KIAA1217: variants seen among roughly 807,000 people sequenced by gnomAD.
KIAA1217 encodes the protein sickle tail protein homolog.
KIAA1217 carries 88 observed loss-of-function variants against 163.9 expected under a neutral mutation model. The observed-to-expected ratio is 0.54, with a 90% CI of 0.45 to 0.64. The LOEUF (loss-of-function observed/expected upper bound fraction) is 0.64, where lower values mean the gene tolerates loss of function less well. Ranked by LOEUF, KIAA1217 falls within the 30% of genes least tolerant of loss-of-function variation. The pLI is 0.00. For missense variants in KIAA1217, 2,372 were observed against 2,475.0 expected, an observed-to-expected ratio of 0.96 and a Z score of 0.88; for synonymous variants, 903 against 923.1, an observed-to-expected ratio of 0.98 and a Z score of 0.39.
chr10:24,282,748 C>T (rs373648), intron 2 of KIAA1217, among the ~76,000 whole-genome samples: 73,256 of 150,964 alleles, frequency 0.49, 18,253 homozygotes, highest in Non-Finnish European at 0.51. Flanking sequence ...ACATTTCCTG[C>T]CACAATCCTA....
intron 1 of KIAA1217, among the ~76,000 whole-genome samples, chr10:24,213,915 C>A (rs2068481728): frequency 6.6e-6 from 1 of 152,104 alleles, no homozygotes; most frequent in Admixed American, 6.6e-5. Context: ...CTTTGGGATG[C>A]TGAGGCAGGA....
chr10:24,404,036 T>C (rs1409029286), intron 3 of KIAA1217, among the ~76,000 whole-genome samples: 1 of 152,132 alleles, frequency 6.6e-6, no homozygotes, highest in East Asian at 1.9e-4. Context: ...AGTTCCACCA[T>C]AGCCCCCATC....
chr10:23,892,514 G>C lies in KIAA1217; in HGVS notation c.-320-114711G>C, dbSNP rs115312644. Among the ~76,000 whole-genome samples, 1,313 of 151,942 alleles carry C rather than the reference G, an allele frequency of 8.6e-3. 18 individuals carry two copies. The highest frequency in any genetic ancestry group is 0.031 in the African/African-American group (1,267 of 41,496). The stretch of plus-strand genomic sequence containing the variant: ...TATGTTCAATGTCTGCTTGCCTCAG[G>C]ACTAGGAGTCTGCTGGCAAACTCTG... On this transcript the variant is annotated intron_variant, in intron 1 of 18. Transcript: ENST00000376462.
chr10:24,079,250 G>T (rs762420298), intron 2 of KIAA1217, among the ~76,000 whole-genome samples: 3 of 152,198 alleles, frequency 2.0e-5, no homozygotes, highest in African/African-American at 4.8e-5. Context: ...GAGAAGCAGA[G>T]ATATTCTGTG....
chr10:24,389,322 G>A (rs2054503628), intron 3 of KIAA1217, among the ~76,000 whole-genome samples: 2 of 151,816 alleles, frequency 1.3e-5, no homozygotes, highest in African/African-American at 4.8e-5. Context: ...AACACCACAT[G>A]TTCTCACTCA....
intron 1 of KIAA1217, among the ~76,000 whole-genome samples, chr10:23,960,049 G>A (rs1844756660): frequency 6.6e-6 from 1 of 151,188 alleles, no homozygotes. Context: ...CCGAGTAGCT[G>A]CAACTACAGG....
chr10:24,396,604 C>T (rs762879315), intron 3 of KIAA1217, among the ~76,000 whole-genome samples: 8 of 152,080 alleles, frequency 5.3e-5, no homozygotes, highest in African/African-American at 9.7e-5. Context: ...AGGCAGCCTT[C>T]GAGCCATGAC....
intron 9 of KIAA1217, among the ~76,000 whole-genome samples, chr10:24,505,001 C>G (rs1417771009): frequency 6.6e-6 from 1 of 152,068 alleles, no homozygotes; most frequent in Non-Finnish European, 1.5e-5. Flanking sequence ...TATTTGAAAC[C>G]CTTAGCAAAA....
At chr10:24,001,903 A>ATT (rs367587114) in intron 1 of KIAA1217, among the ~76,000 whole-genome samples, 284 of 151,548 alleles carry the variant, frequency 1.9e-3, no homozygotes, top group African/African-American at 6.5e-3. Flanking sequence ...TGTGTAGGTG[A>ATT]TTTTTTTTTC....
intron 2 of KIAA1217, among the ~76,000 whole-genome samples, chr10:24,138,142 G>C (rs927063219): frequency 2.0e-5 from 3 of 152,120 alleles, no homozygotes; most frequent in Non-Finnish European, 4.4e-5. Context: ...GGTTGAATTT[G>C]GGAGGTTTTT....
chr10:24,162,997 T>C (rs750508688), intron 2 of KIAA1217, among the ~76,000 whole-genome samples: 4 of 152,186 alleles, frequency 2.6e-5, no homozygotes, highest in African/African-American at 4.8e-5. Context: ...ACAATCCATC[T>C]TGGAAATGAC....
intron 1 of KIAA1217, among the ~76,000 whole-genome samples, chr10:23,977,059 T>C (rs1832308): frequency 0.59 from 90,222 of 151,970 alleles, 27,944 homozygotes; most frequent in African/African-American, 0.77. Flanking sequence ...AGATCTTTTT[T>C]ATGTATGTTT....
chr10:24,384,680 T>C (rs56115970), intron 3 of KIAA1217, among the ~76,000 whole-genome samples: 78,066 of 151,576 alleles, frequency 0.52, 22,629 homozygotes, highest in African/African-American at 0.8. Context: ...GGGACGCAGG[T>C]GCCTGCCACC....
chr10:23,792,279 A>C (rs1019098151), intron 1 of KIAA1217, among the ~76,000 whole-genome samples: 14 of 152,208 alleles, frequency 9.2e-5, no homozygotes, highest in African/African-American at 3.4e-4. Flanking sequence ...GCTATGCTTT[A>C]GATGTCTACA....
chr10:24,209,104 C>T (rs560550577), upstream of KIAA1217: 2 of 1,126,168 alleles, frequency 1.8e-6, no homozygotes, highest in African/African-American at 1.5e-5. Flanking sequence ...TCCCCAGCCC[C>T]GGGCCCCCTC....
At chr10:23,707,576 A>C (rs1272281943) in intron 1 of KIAA1217, among the ~76,000 whole-genome samples, 1 of 152,188 alleles carries the variant, frequency 6.6e-6, no homozygotes, top group East Asian at 1.9e-4. Flanking sequence ...TGGAGGCTCC[A>C]AAAGGTGAGA....
intron 2 of KIAA1217, among the ~76,000 whole-genome samples, chr10:24,224,156 G>T (rs959748800): frequency 6.6e-6 from 1 of 152,092 alleles, no homozygotes; most frequent in African/African-American, 2.4e-5. Context: ...CATAATAGTA[G>T]CTGTGATCGT....
At chr10:23,910,689 T>G (rs948856059) in intron 1 of KIAA1217, among the ~76,000 whole-genome samples, 1 of 152,210 alleles carries the variant, frequency 6.6e-6, no homozygotes, top group Non-Finnish European at 1.5e-5. Flanking sequence ...TTTCTTTTAG[T>G]AGGACGTTAG....
chr10:23,714,074 G>C lies in KIAA1217; in HGVS notation c.-321+18840G>C, dbSNP rs558055571. 4.6e-5 allele frequency among the ~76,000 whole-genome samples: 7 copies of C among 152,210 alleles called. No homozygotes were observed. The South Asian group carries it at 1.4e-3, about 32-fold the overall frequency. ...TTTCCTGGCAAAGGGATTGATGCCAGCTAGTCGTCCAAGTTCAGGATCTGA... is the reference window on the plus strand; with the variant it reads ...TTTCCTGGCAAAGGGATTGATGCCACCTAGTCGTCCAAGTTCAGGATCTGA... On this transcript the variant is annotated intron_variant, in intron 1 of 18. Transcript: ENST00000376462.
Sources: gnomAD v4.1 joint callset for allele counts (sites outside exome capture counted in the v4.1 genomes callset) on GRCh38, gnomAD v4.1.1 for gene constraint, MANE v1.5 for transcripts, NCBI Gene and HGNC (gene_info 2026-07-23, HGNC 2026-07-21) for gene names.